The following IL1RAPL2 variants were observed in gnomAD, a reference collection of about 807,000 sequenced individuals.
The protein encoded by IL1RAPL2 is X-linked interleukin-1 receptor accessory protein-like 2.
In IL1RAPL2, 3 loss-of-function variants were observed where a neutral mutation model predicts 44.1. The observed-to-expected ratio is 0.07, with a 90% CI of 0.03 to 0.18. The LOEUF is 0.18. IL1RAPL2 is among the 10% of genes least tolerant of loss of function. The pLI, the probability that IL1RAPL2 is intolerant of heterozygous loss-of-function variation, is 1.00. For missense variants in IL1RAPL2, 391 were observed against 496.4 expected, an observed-to-expected ratio of 0.79 and a Z score of 2.02; for synonymous variants, 181 against 178.8, an observed-to-expected ratio of 1.01 and a Z score of -0.10.
At chrX:105,738,727 A>G (rs2038470736) in intron 7 of IL1RAPL2, among the ~76,000 whole-genome samples, 1 of 110,973 alleles carries the variant, frequency 9.0e-6, no homozygotes, top group Non-Finnish European at 1.9e-5. Flanking sequence ...CGTTGTTGAC[A>G]GTATAACTCT....
chrX:105,484,178 G>C (rs1316024170), intron 5 of IL1RAPL2, 135 bp from the exon 6 acceptor site: 2 of 490,573 alleles, frequency 4.1e-6, no homozygotes, highest in African/African-American at 4.7e-5. Flanking sequence ...ACCCAAGTAG[G>C]AAGTAGGAAC....
chrX:105,555,610 T>G (rs987833974), intron 6 of IL1RAPL2, among the ~76,000 whole-genome samples: 2 of 112,042 alleles, frequency 1.8e-5, no homozygotes, highest in African/African-American at 6.5e-5. Context: ...CAGTCTCATT[T>G]TGATCAAAGA....
chrX:104,615,374 TC>T, intron 1 of IL1RAPL2, among the ~76,000 whole-genome samples: 1 of 103,311 alleles, frequency 9.7e-6, no homozygotes, highest in African/African-American at 3.5e-5. Context: ...ATACTCTCCC[TC>T]CCCCAACCCC....
chrX:105,329,346 T>A (rs2034967998), intron 5 of IL1RAPL2, among the ~76,000 whole-genome samples: 1 of 111,790 alleles, frequency 8.9e-6, no homozygotes, highest in Non-Finnish European at 1.9e-5. Flanking sequence ...GGAAACTTTG[T>A]GTGGCCCAAG....
At chrX:105,304,965 G>A (rs905233529) in intron 5 of IL1RAPL2, among the ~76,000 whole-genome samples, 12 of 111,425 alleles carry the variant, frequency 1.1e-4, no homozygotes, top group Non-Finnish European at 1.7e-4. Flanking sequence ...GATCATGGCA[G>A]AAGGGGAAGC....
At chrX:105,342,008 A>T (rs978895057) in intron 5 of IL1RAPL2, among the ~76,000 whole-genome samples, 1 of 109,840 alleles carries the variant, frequency 9.1e-6, no homozygotes, top group Non-Finnish European at 1.9e-5. Context: ...TGTCCTTTGC[A>T]GGGACATGGA....
At chrX:104,855,213 G>C (rs1305958155) in intron 2 of IL1RAPL2, among the ~76,000 whole-genome samples, 2 of 111,945 alleles carry the variant, frequency 1.8e-5, no homozygotes, top group East Asian at 5.6e-4. Context: ...AAGGTTCTTA[G>C]ACTAAAGTTT....
At chrX:104,848,708 T>A (rs1922134851) in intron 2 of IL1RAPL2, among the ~76,000 whole-genome samples, 1 of 108,571 alleles carries the variant, frequency 9.2e-6, no homozygotes, top group Non-Finnish European at 1.9e-5. Context: ...TAGGAAGAAC[T>A]TTTGAGCTGT....
At chrX:104,642,145 G>T (rs988616446) in intron 1 of IL1RAPL2, among the ~76,000 whole-genome samples, 1 of 111,653 alleles carries the variant, frequency 9.0e-6, no homozygotes, top group Non-Finnish European at 1.9e-5. Context: ...ATCCTGGCCA[G>T]GCAGCCTACT....
At chrX:105,215,350 G>T (rs1432492453) in intron 3 of IL1RAPL2, among the ~76,000 whole-genome samples, 1 of 111,856 alleles carries the variant, frequency 8.9e-6, no homozygotes, top group Non-Finnish European at 1.9e-5. Flanking sequence ...AAATAAACTA[G>T]AAAATCTAGA....
intron 1 of IL1RAPL2, among the ~76,000 whole-genome samples, chrX:104,641,878 C>G (rs750833111): frequency 9.0e-6 from 1 of 111,708 alleles, no homozygotes; most frequent in East Asian, 2.8e-4. Context: ...CTGCCAAAAA[C>G]TATGCTTGAA....
chrX:104,961,768 T>G (rs1159832504), intron 2 of IL1RAPL2, among the ~76,000 whole-genome samples: 2 of 112,222 alleles, frequency 1.8e-5, no homozygotes, highest in Non-Finnish European at 3.8e-5. Context: ...TGTCTTATAT[T>G]CGACACTTTA....
intron 3 of IL1RAPL2, among the ~76,000 whole-genome samples, chrX:105,211,941 C>T (rs782409344): frequency 5.3e-5 from 6 of 112,219 alleles, no homozygotes; most frequent in Non-Finnish European, 7.5e-5. Flanking sequence ...TGGGTTACTA[C>T]GCTTTTCCCA....
intron 2 of IL1RAPL2, among the ~76,000 whole-genome samples, chrX:104,970,503 C>T (rs1040467357): frequency 8.9e-6 from 1 of 111,738 alleles, no homozygotes; most frequent in African/African-American, 3.3e-5. Context: ...TATCTATACC[C>T]ACTTTTAATT....
chrX:105,073,569 C>G (rs1256850792), intron 2 of IL1RAPL2, among the ~76,000 whole-genome samples: 1 of 111,008 alleles, frequency 9.0e-6, no homozygotes, highest in Non-Finnish European at 1.9e-5. Context: ...CTGTAATGGG[C>G]TGGCTGTGTC....
At chrX:105,035,636 A>G (rs191443224) in intron 2 of IL1RAPL2, among the ~76,000 whole-genome samples, 1 of 112,359 alleles carries the variant, frequency 8.9e-6, no homozygotes. Flanking sequence ...TTTATATCCC[A>G]TGGAACTAAT....
At chrX:104,914,966 A>T (rs1302147795) in intron 2 of IL1RAPL2, among the ~76,000 whole-genome samples, 134 of 111,537 alleles carry the variant, frequency 1.2e-3, no homozygotes, top group African/African-American at 3.8e-3. Flanking sequence ...AGTCTATCAT[A>T]GTTGGACATT....
intron 2 of IL1RAPL2, among the ~76,000 whole-genome samples, chrX:104,874,290 C>T (rs190340670): frequency 2.9e-4 from 31 of 105,668 alleles, no homozygotes; most frequent in African/African-American, 1.1e-3. Context: ...CTCTCTCTCT[C>T]TCTCTCTCTC....
intron 2 of IL1RAPL2, among the ~76,000 whole-genome samples, chrX:104,778,634 A>G (rs1932754298): frequency 2.0e-5 from 2 of 99,904 alleles, no homozygotes; most frequent in Non-Finnish European, 4.1e-5. Flanking sequence ...GTGTACAGAT[A>G]TCTCTTTGAG....
Sources: gnomAD v4.1 joint callset for allele counts (sites outside exome capture counted in the v4.1 genomes callset) on GRCh38, gnomAD v4.1.1 for gene constraint, MANE v1.5 for transcripts, NCBI Gene and HGNC (gene_info 2026-07-23, HGNC 2026-07-21) for gene names.